The following BRCA2 variants were observed in gnomAD, a reference collection of about 807,000 sequenced individuals.
The protein encoded by BRCA2 is BRCA2 DNA repair associated, also known as breast cancer type 2 susceptibility protein.
In BRCA2, 203 loss-of-function variants were observed where a neutral mutation model predicts 276.7. That is an observed-to-expected ratio of 0.73 (90% CI 0.65 to 0.82). The LOEUF is 0.82. Ranked by LOEUF, BRCA2 falls within the 40% of genes least tolerant of loss-of-function variation. The pLI, the probability that BRCA2 is intolerant of heterozygous loss-of-function variation, is 0.00. For synonymous variants in BRCA2, 1,289 were observed against 1,338.4 expected (o/e 0.96, Z 0.81); for missense variants, 3,920 against 3,915.0 (o/e 1.00, Z -0.03).
At chr13:32,320,607 C>T (rs1332631659) in intron 3 of BRCA2, among the ~76,000 whole-genome samples, 1 of 152,178 alleles carries the variant, frequency 6.6e-6, no homozygotes, top group Non-Finnish European at 1.5e-5. Context: ...CCTCGTTGAG[C>T]TTCTAGTGAA....
chr13:32,339,923 TG>T lies in BRCA2; in HGVS notation c.5569del (p.Glu1857LysfsTer6). 1 of 1,607,174 alleles carries T rather than the reference TG, an allele frequency of 6.2e-7. No homozygotes were observed. Among genetic ancestry groups the T allele is most frequent in the African/African-American group, 1.3e-5 (1 of 74,602 alleles). On this transcript the variant is annotated frameshift_variant, in exon 11 of 27. Transcript: ENST00000380152. LOFTEE classifies it high-confidence loss of function. ...GTGGTAAAATCGTTTGTGTTTCACA[TG>T]AAACAATTAAAAAAGTGAAAGACAT... ...ASGKIVCVSHETIKKVKDIFT... is the reference protein window; with the variant it reads ...ASGKIVCVSHXTIKKVKDIFT...
intron 8 of BRCA2, among the ~76,000 whole-genome samples, chr13:32,329,867 T>G (rs529210199): frequency 1.3e-5 from 2 of 152,232 alleles, no homozygotes; most frequent in South Asian, 4.2e-4. Flanking sequence ...AAAGTTTAAT[T>G]CATAAATTAG....
At chr13:32,395,849 A>G (rs956457095) in intron 25 of BRCA2, 1 of 165,062 alleles carries the variant, frequency 6.1e-6, no homozygotes, top group Non-Finnish European at 1.3e-5. Context: ...ATAATGAATA[A>G]CACTCTGCTA....
intron 18 of BRCA2, among the ~76,000 whole-genome samples, chr13:32,365,593 C>G (rs2072775999): frequency 6.6e-6 from 1 of 151,982 alleles, no homozygotes. Context: ...ATTGGCCAGG[C>G]TGGTCTCATC....
chr13:32,388,271 A>G (rs1593197189), intron 24 of BRCA2, among the ~76,000 whole-genome samples: 1 of 152,116 alleles, frequency 6.6e-6, no homozygotes, highest in African/African-American at 2.4e-5. Flanking sequence ...GGCACGTGCC[A>G]CCACACACGG....
At chr13:32,365,145 C>T (rs1224492277) in intron 18 of BRCA2, among the ~76,000 whole-genome samples, 4 of 72,834 alleles carry the variant, frequency 5.5e-5, no homozygotes, top group Non-Finnish European at 9.9e-5. Flanking sequence ...TTTGAGACAA[C>T]GTCTCACTGT....
intron 14 of BRCA2, among the ~76,000 whole-genome samples, chr13:32,355,706 A>G (rs2072688376): frequency 6.6e-6 from 1 of 151,940 alleles, no homozygotes; most frequent in African/African-American, 2.4e-5. Flanking sequence ...TACTAAAAAT[A>G]CAAAATAAAT....
chr13:32,366,508 G>A (rs1321882652), intron 18 of BRCA2, among the ~76,000 whole-genome samples: 3 of 152,048 alleles, frequency 2.0e-5, no homozygotes, highest in East Asian at 1.9e-4. Context: ...TTATGAACTC[G>A]AGATCTATAT....
rs2137529154 is a variant in BRCA2 at position 32,340,980 on chromosome 13, A to G, written c.6625A>G (p.Ile2209Val). 6.2e-7 allele frequency: 1 copy of G among 1,608,908 alleles called. No individual in the cohort carries two copies. The highest frequency in any genetic ancestry group is 1.1e-5 in the South Asian group (1 of 89,316). Residue 2209 changes from isoleucine to valine, a missense_variant, in exon 11 of 27, where the codon ATA (isoleucine) becomes GTA (valine). By Grantham distance (29) the Ile-to-Val change is conservative (BLOSUM62 3). Around this residue, in one of 2 missense-constraint regions of BRCA2, gnomAD observed 3,263 missense variants for 3,156.9 expected, o/e 1.03. Transcript: ENST00000380152. ...TFSDVPVKTN[I>V]EVCSTYSKDS... ...TTCTGATGTTCCTGTGAAAACAAAT[A>G]TAGAAGTTTGTTCTACTTACTCCAA... is the stretch of plus-strand genomic sequence containing the variant.
chr13:32,333,943 A>G (rs1456668792), intron 10 of BRCA2, among the ~76,000 whole-genome samples: 1 of 152,252 alleles, frequency 6.6e-6, no homozygotes, highest in East Asian at 1.9e-4. Flanking sequence ...CCTGCAAAGG[A>G]CGTGATCTTG....
At chr13:32,364,444 T>C (rs543707250) in intron 18 of BRCA2, among the ~76,000 whole-genome samples, 11 of 152,306 alleles carry the variant, frequency 7.2e-5, no homozygotes, top group African/African-American at 2.6e-4. Flanking sequence ...AACCGTTAAC[T>C]TCCTGCTATG....
rs2072525612 is a variant in BRCA2 at position 32,339,628 on chromosome 13, A to G, written c.5273A>G (p.Asn1758Ser). 2 of 1,611,980 alleles carry G rather than the reference A, an allele frequency of 1.2e-6. No homozygotes were observed. Among genetic ancestry groups the G allele is most frequent in the Non-Finnish European group, 1.7e-6 (2 of 1,178,352 alleles). ...SYSYHSDEVYNDSGYLSKNKL... is the reference protein window; with the variant it reads ...SYSYHSDEVYSDSGYLSKNKL... ...TCCTACCATTCTGATGAGGTATATA[A>G]TGATTCAGGATATCTCTCAAAAAAT... The change falls in exon 11 of 27, where the codon AAT (asparagine) becomes AGT (serine). Residue 1758 changes from asparagine (N) to serine (S), a missense_variant. Asn to Ser is a conservative substitution (Grantham distance 46). Around this residue, in one of 2 missense-constraint regions of BRCA2, gnomAD observed 3,263 missense variants for 3,156.9 expected, o/e 1.03. Transcript: ENST00000380152.
intron 11 of BRCA2, among the ~76,000 whole-genome samples, chr13:32,344,061 T>C (rs901748762): frequency 3.3e-5 from 5 of 151,992 alleles, no homozygotes; most frequent in African/African-American, 9.7e-5. Flanking sequence ...ATTGTTTCTA[T>C]TACTAGTACT....
chr13:32,365,436 A>G (rs2072774517), intron 18 of BRCA2, among the ~76,000 whole-genome samples: 1 of 152,052 alleles, frequency 6.6e-6, no homozygotes, highest in African/African-American at 2.4e-5. Flanking sequence ...GCTGGAGTGC[A>G]ATGGCGTGAC....
chr13:32,349,883 A>G (rs1489712071), intron 13 of BRCA2, among the ~76,000 whole-genome samples: 4 of 151,708 alleles, frequency 2.6e-5, no homozygotes, highest in Admixed American at 6.6e-5. Flanking sequence ...TGCCCGCTCT[A>G]TGAAAAGAAC....
At position 32,325,108 on chromosome 13, in the gene BRCA2, C is replaced by G. The variant is rs2137446286; in HGVS notation, c.349C>G (p.Leu117Val). 6.2e-7 allele frequency: 1 copy of G among 1,606,280 alleles called. No individual in the cohort carries two copies. Among genetic ancestry groups the G allele is most frequent in the Non-Finnish European group, 8.5e-7 (1 of 1,173,050 alleles). The change falls in exon 4 of 27, where the codon CTT (leucine) becomes GTT (valine). Residue 117 changes from leucine to valine, a missense_variant. Coordinates refer to ENST00000380152, the MANE Select transcript of BRCA2 (RefSeq NM_000059.4). ...RNVPNSRHKS[L>V]RTVKTKMDQA... Reference sequence around the variant, plus strand: ...TGTTCCCAATAGTAGACATAAAAGTCTTCGCACAGTGAAAACTAAAATGGA... The same window carrying G: ...TGTTCCCAATAGTAGACATAAAAGTGTTCGCACAGTGAAAACTAAAATGGA...
In BRCA2 at chr13:32,340,832, A is replaced by G. The variant is rs1566234713; in HGVS notation, c.6477A>G (p.Gln2159=). ...IKVSPYLSQF[Q]QDKQQLVLGT... is the part of the protein sequence containing the mutation. Reference sequence around the variant, plus strand: ...TTTCTCCATATCTCTCTCAATTTCAACAAGACAAACAACAGTTGGTATTAG... The same window carrying G: ...TTTCTCCATATCTCTCTCAATTTCAGCAAGACAAACAACAGTTGGTATTAG... The change falls in exon 11 of 27, where the codon CAA becomes CAG. Residue 2159 remains glutamine, a synonymous_variant. Coordinates refer to ENST00000380152, the MANE Select transcript of BRCA2 (RefSeq NM_000059.4). 3 of 1,590,290 alleles carry G rather than the reference A, an allele frequency of 1.9e-6. No individual in the cohort carries two copies. Among genetic ancestry groups the G allele is most frequent in the South Asian group, 1.2e-5 (1 of 85,974 alleles).
intron 18 of BRCA2, among the ~76,000 whole-genome samples, chr13:32,366,660 A>G (rs1014970873): frequency 2.0e-5 from 3 of 151,988 alleles, no homozygotes; most frequent in Admixed American, 1.3e-4. Flanking sequence ...CGTCTCTACT[A>G]AAAATATAAA....
rs80358572 is a variant in BRCA2 at position 32,337,617 on chromosome 13, C to G, written c.3262C>G (p.Pro1088Ala). ...VSDCKNSHIT[P>A]QMLFSKQDFN... ...TGATTGTAAAAATAGTCATATAACCCCTCAGATGTTATTTTCCAAGCAGGA... is the reference window on the plus strand; with the variant it reads ...TGATTGTAAAAATAGTCATATAACCGCTCAGATGTTATTTTCCAAGCAGGA... Residue 1088 changes from proline to alanine, a missense_variant, in exon 11 of 27, where the codon CCT (proline) becomes GCT (alanine). Transcript: ENST00000380152. 3 of 1,589,816 alleles carry G rather than the reference C, an allele frequency of 1.9e-6. No individual in the cohort carries two copies. Among genetic ancestry groups the G allele is most frequent in the Non-Finnish European group, 8.6e-7 (1 of 1,169,350 alleles).
Sources: allele counts gnomAD v4.1 joint callset (sites outside exome capture counted in the v4.1 genomes callset), GRCh38; gene constraint gnomAD v4.1.1; regional missense constraint gnomAD v4.1.1; transcripts MANE v1.5; gene names NCBI Gene and HGNC (gene_info 2026-07-23, HGNC 2026-07-21).